SPIDR: variants seen among roughly 807,000 people sequenced by gnomAD.
SPIDR encodes DNA repair-scaffolding protein.
In SPIDR, 93 loss-of-function variants were observed where a neutral mutation model predicts 104.6. The observed-to-expected ratio is 0.89, with a 90% CI of 0.75 to 1.06. The LOEUF is 1.06. SPIDR is among the 50% of genes least tolerant of loss of function. SPIDR has a pLI of 0.00. For synonymous variants in SPIDR, 431 were observed against 416.9 expected (o/e 1.03, Z -0.41); for missense variants, 1,154 against 1,111.2 (o/e 1.04, Z -0.55).
At chr8:47,685,505 A>ATTTTTTTTTTTTTTTTT (rs201735323) in intron 11 of SPIDR, among the ~76,000 whole-genome samples, 3 of 104,426 alleles carry the variant, frequency 2.9e-5, no homozygotes, top group Non-Finnish European at 7.2e-5. Flanking sequence ...TTATTTATTT[A>ATTTTTTTTTTTTTTTTT]TTTATTTATT....
At chr8:47,623,020 A>T (rs901272082) in intron 10 of SPIDR, among the ~76,000 whole-genome samples, 2 of 152,172 alleles carry the variant, frequency 1.3e-5, no homozygotes, top group Admixed American at 1.3e-4. Flanking sequence ...CATCTGTGAG[A>T]TGAAGATGAG....
chr8:47,638,307 AATTTATTT>A (rs1290736545), intron 10 of SPIDR, among the ~76,000 whole-genome samples: 1 of 152,068 alleles, frequency 6.6e-6, no homozygotes, highest in Non-Finnish European at 1.5e-5. Context: ...ATACAAGTGC[AATTTATTT>A]ATTTATTTAA....
chr8:47,274,592 T>C (rs1024944936), intron 1 of SPIDR, among the ~76,000 whole-genome samples: 66 of 151,686 alleles, frequency 4.4e-4, no homozygotes, highest in African/African-American at 1.1e-3. Context: ...TTTTTTTTTT[T>C]CCCGAGATGG....
At chr8:47,567,278 G>A (rs2057983764) in intron 8 of SPIDR, among the ~76,000 whole-genome samples, 1 of 151,614 alleles carries the variant, frequency 6.6e-6, no homozygotes. Flanking sequence ...GGAGTGCAAT[G>A]GTGCGATCTC....
intron 5 of SPIDR, among the ~76,000 whole-genome samples, chr8:47,371,924 T>A (rs2058084278): frequency 6.6e-6 from 1 of 152,210 alleles, no homozygotes; most frequent in African/African-American, 2.4e-5. Context: ...ATTGACTACA[T>A]GGTGACTCTC....
chr8:47,602,922 G>C (rs1315961911), intron 10 of SPIDR, among the ~76,000 whole-genome samples: 1 of 152,162 alleles, frequency 6.6e-6, no homozygotes. Flanking sequence ...TGTAACTTGA[G>C]CTATTAATGA....
chr8:47,308,381 T>C (rs1298197568), intron 5 of SPIDR, among the ~76,000 whole-genome samples: 52 of 151,842 alleles, frequency 3.4e-4, no homozygotes, highest in African/African-American at 1.2e-3. Context: ...TTTTTTTTTT[T>C]TTCTAATGTT....
chr8:47,505,018 C>T (rs573760211), intron 8 of SPIDR, among the ~76,000 whole-genome samples: 8 of 151,988 alleles, frequency 5.3e-5, no homozygotes, highest in South Asian at 2.1e-4. Context: ...AGTACCCGGC[C>T]GTGTGAGGTG....
chr8:47,412,972 CTTT>C (rs1321513624), intron 7 of SPIDR, among the ~76,000 whole-genome samples: 1 of 152,224 alleles, frequency 6.6e-6, no homozygotes, highest in African/African-American at 2.4e-5. Context: ...GCTCCTCCTT[CTTT>C]TGACTCCCTT....
chr8:47,597,940 C>A (rs757061096), intron 9 of SPIDR, among the ~76,000 whole-genome samples: 1 of 152,106 alleles, frequency 6.6e-6, no homozygotes, highest in Non-Finnish European at 1.5e-5. Flanking sequence ...ACTGACAGAT[C>A]AAGGGAGGAA....
intron 16 of SPIDR, among the ~76,000 whole-genome samples, chr8:47,721,767 G>T (rs977618151): frequency 6.6e-6 from 1 of 152,130 alleles, no homozygotes; most frequent in Non-Finnish European, 1.5e-5. Flanking sequence ...GAGCCACCGC[G>T]CCCGGCCAAT....
At chr8:47,299,680 A>G (rs1303339269) in intron 5 of SPIDR, among the ~76,000 whole-genome samples, 1 of 152,286 alleles carries the variant, frequency 6.6e-6, no homozygotes, top group South Asian at 2.1e-4. Context: ...AATTTTGTCA[A>G]AGGCCTTTTC....
chr8:47,637,998 C>T (rs761624233), intron 10 of SPIDR, among the ~76,000 whole-genome samples: 13 of 151,974 alleles, frequency 8.6e-5, no homozygotes, highest in African/African-American at 1.7e-4. Flanking sequence ...ATTTATTTTA[C>T]ACTTTGAGTT....
chr8:47,337,647 T>TAA (rs782449309), intron 5 of SPIDR, among the ~76,000 whole-genome samples: 4 of 139,322 alleles, frequency 2.9e-5, no homozygotes, highest in East Asian at 2.0e-4. Flanking sequence ...AACCATTGTT[T>TAA]AAAAAAAAAA....
intron 8 of SPIDR, among the ~76,000 whole-genome samples, chr8:47,558,760 C>T (rs566959155): frequency 5.9e-5 from 9 of 152,302 alleles, no homozygotes; most frequent in Admixed American, 2.0e-4. Context: ...CTGCCTCAGC[C>T]TCCCAAGTAG....
intron 5 of SPIDR, among the ~76,000 whole-genome samples, chr8:47,392,819 C>T (rs1322803762): frequency 6.6e-6 from 1 of 152,182 alleles, no homozygotes; most frequent in African/African-American, 2.4e-5. Context: ...AACAAATTAT[C>T]AGGTCTGCTG....
chr8:47,675,981 A>T (rs2076392915), intron 11 of SPIDR, among the ~76,000 whole-genome samples: 2 of 152,228 alleles, frequency 1.3e-5, no homozygotes, highest in Admixed American at 1.3e-4. Flanking sequence ...AGGATGTTCC[A>T]GCTGTGCTCC....
At chr8:47,431,186 G>A (rs1025957329) in intron 7 of SPIDR, among the ~76,000 whole-genome samples, 15 of 152,146 alleles carry the variant, frequency 9.9e-5, no homozygotes, top group African/African-American at 2.7e-4. Flanking sequence ...AGCCTTTCCC[G>A]TGTGTGTGCA....
chr8:47,482,456 C>A (rs1029240906), intron 8 of SPIDR, among the ~76,000 whole-genome samples: 21 of 152,076 alleles, frequency 1.4e-4, no homozygotes, highest in Admixed American at 3.3e-4. Context: ...CTCATGACTT[C>A]GTCTCCTAGA....
Sources: gnomAD v4.1 joint callset for allele counts (sites outside exome capture counted in the v4.1 genomes callset) on GRCh38, gnomAD v4.1.1 for gene constraint, MANE v1.5 for transcripts, NCBI Gene and HGNC (gene_info 2026-07-23, HGNC 2026-07-21) for gene names.